Variants in NVL observed in about 807,000 individuals in gnomAD.
The protein encoded by NVL is nuclear valosin-containing protein-like.
In NVL, 84 loss-of-function variants were observed where a neutral mutation model predicts 110.2. The observed-to-expected ratio is 0.76, with a 90% CI of 0.64 to 0.91. The LOEUF (loss-of-function observed/expected upper bound fraction) is 0.91. NVL is among the 40% of genes least tolerant of loss of function. NVL has a pLI of 0.00. For missense variants in NVL, 882 were observed against 1,035.9 expected, an observed-to-expected ratio of 0.85 and a Z score of 2.04; for synonymous variants, 354 against 361.1, an observed-to-expected ratio of 0.98 and a Z score of 0.22.
chr1:224,252,363 C>T (rs1234866692), intron 18 of NVL, among the ~76,000 whole-genome samples: 1 of 152,074 alleles, frequency 6.6e-6, no homozygotes, highest in African/African-American at 2.4e-5. Context: ...CCACAAAGAC[C>T]CCATTTTTAA....
chr1:224,227,449 G>T lies in NVL; in HGVS notation c.*177C>A. 1 of 429,128 alleles carries T rather than the reference G, an allele frequency of 2.3e-6. No individual in the cohort carries two copies. The highest frequency in any genetic ancestry group is 4.2e-6 in the Non-Finnish European group (1 of 237,644). 26.6% of individuals were successfully genotyped at this position (429,128 alleles called of 1,614,324 possible). On this transcript the variant is annotated 3_prime_UTR_variant, in exon 23 of 23. Transcript: ENST00000281701. ...AGAGGAAGAAGGCATTTTCACACAA[G>T]GCTGGCCAGATGGGAAGAATCTTCA...
At chr1:224,273,261 A>G (rs1028197388) in intron 17 of NVL, among the ~76,000 whole-genome samples, 4 of 151,766 alleles carry the variant, frequency 2.6e-5, no homozygotes, top group African/African-American at 9.7e-5. Flanking sequence ...GAAAATACAA[A>G]TATTAGCTGG....
At chr1:224,311,741 GGTACCATAACA>G (rs1669545821) in intron 5 of NVL, 48 bp downstream of exon 5, 1 of 1,290,042 alleles carries the variant, frequency 7.8e-7, no homozygotes, top group Non-Finnish European at 1.1e-6. Flanking sequence ...TTTCAAGGGA[GGTACCATAACA>G]ACTAAAAAAG....
intron 18 of NVL, chr1:224,256,956 A>AACC (rs753665976): frequency 2.2e-6 from 1 of 464,636 alleles, no homozygotes; most frequent in South Asian, 1.6e-5. Flanking sequence ...ACCCGGCTCA[A>AACC]ACCACCACCA....
At chr1:224,306,739 G>A (rs985774213) in intron 6 of NVL, among the ~76,000 whole-genome samples, 3 of 152,048 alleles carry the variant, frequency 2.0e-5, no homozygotes, top group Admixed American at 6.6e-5. Context: ...AGACTGAGGT[G>A]GGGGGATGGC....
At chr1:224,249,515 C>A (rs375262293) in intron 19 of NVL, among the ~76,000 whole-genome samples, 1 of 152,038 alleles carries the variant, frequency 6.6e-6, no homozygotes, top group Admixed American at 6.6e-5. Context: ...GAGGCCGAGG[C>A]GGGTGGATCA....
At chr1:224,250,036 A>C (rs1662284282) in intron 19 of NVL, among the ~76,000 whole-genome samples, 176 bp downstream of exon 19, 1 of 152,204 alleles carries the variant, frequency 6.6e-6, no homozygotes, top group Non-Finnish European at 1.5e-5. Context: ...ATCTGATGTA[A>C]ATTATTTTAA....
Position 224,287,824 on chromosome 1 carries a change from T to C in NVL, c.1745A>G (p.Asp582Gly), listed in dbSNP as rs753800587. The C allele has an allele frequency of 1.9e-6, 3 of 1,614,132 alleles. No homozygotes were observed. In the South Asian group the frequency reaches 3.3e-5, roughly 18 times the overall value. Residue 582 changes from aspartate (D) to glycine (G), a missense_variant, in exon 14 of 23, where the codon GAT (aspartate) becomes GGT (glycine). This residue lies in a region of NVL where 416 missense variants were observed against 499.3 expected (regional missense o/e 0.83). Transcript: ENST00000281701. Reference sequence around the variant, plus strand: ...TCTAATGTCTTCCAGGGCACCAATATCTGCCCATGTCACATTAGGGACAGT... The same window carrying C: ...TCTAATGTCTTCCAGGGCACCAATACCTGCCCATGTCACATTAGGGACAGT... ...FVTVPNVTWA[D>G]IGALEDIREE...
rs751959192 is a variant in NVL at position 224,330,067 on chromosome 1, A to G, written c.57+4T>C. On this transcript the variant is annotated splice_donor_region_variant and intron_variant, in intron 1 of 22. Coordinates refer to ENST00000281701, the MANE Select transcript of NVL (RefSeq NM_002533.4). ...GGCGAGGCCAAGCGGTGCAGAATAC[A>G]CACCTGGATGACTCGCTGCTTGAGT... 12 of 1,614,012 alleles carry G rather than the reference A, an allele frequency of 7.4e-6. No individual in the cohort carries two copies. In the South Asian group the frequency reaches 1.3e-4, roughly 18 times the overall value.
rs940200696 is a variant in NVL, at chr1:224,260,699, C to CTT, written c.2182+7333_2182+7334dup. On this transcript the variant is annotated intron_variant, in intron 18 of 22. Transcript: ENST00000281701. ...ATTTGCTTATTTATTTCTTCTTTTC[C>CTT]TTTTTTTTTTTTTTTTTTTTGAGAC... Among the ~76,000 whole-genome samples the CTT allele has an allele frequency of 2.5e-3, 314 of 126,316 alleles. 6 individuals carry two copies. The highest frequency in any genetic ancestry group is 7.5e-3 in the African/African-American group (234 of 31,110). The allele number at this position is 126,316 out of a possible 152,430, so 82.9% of individuals were successfully genotyped here. A position where few individuals can be genotyped will look rare whatever the true frequency, so the allele number is the denominator to read the frequency against.
At chr1:224,256,590 A>G (rs575970763) in intron 18 of NVL, among the ~76,000 whole-genome samples, 1 of 152,250 alleles carries the variant, frequency 6.6e-6, no homozygotes, top group East Asian at 1.9e-4. Context: ...TATCACACTT[A>G]ATATTATGCA....
chr1:224,256,802 G>A (rs1186510246), intron 18 of NVL, among the ~76,000 whole-genome samples: 1 of 152,076 alleles, frequency 6.6e-6, no homozygotes, highest in African/African-American at 2.4e-5. Flanking sequence ...CTTAGTTAAT[G>A]TGAACTCATT....
chr1:224,309,724 C>CA (rs1669321017), intron 5 of NVL, among the ~76,000 whole-genome samples: 1 of 151,950 alleles, frequency 6.6e-6, no homozygotes, highest in Admixed American at 6.6e-5. Flanking sequence ...AAAAATAATA[C>CA]AAATTTTAAG....
chr1:224,328,173 C>A lies in NVL; in HGVS notation c.58-1709G>T, dbSNP rs185069261. On this transcript the variant is annotated intron_variant, in intron 1 of 22. Transcript: ENST00000281701. ...TGCCATGGTGGTTTCCTGCACCCAT[C>A]AACCCGTCATCTACATTAGGTATTT... Among the ~76,000 whole-genome samples the A allele has an allele frequency of 3.5e-3, 533 of 152,192 alleles. 3 individuals are homozygous for A. Among genetic ancestry groups the A allele is most frequent in the African/African-American group, 0.012 (498 of 41,514 alleles).
rs1558230180 is a variant in NVL, at chr1:224,233,160, G to GT, written c.2455+40dup. 6 of 1,536,992 alleles carry GT rather than the reference G, an allele frequency of 3.9e-6. No individual in the cohort carries two copies. In the South Asian group the frequency reaches 5.8e-5, roughly 15 times the overall value. ...TTTTCCAGGGCAACAGTGGTTTTAA[G>GT]TATCATAATTAGAATTGAGAGATTC... On this transcript the variant is annotated intron_variant, in intron 21 of 22. Coordinates refer to ENST00000281701, the MANE Select transcript of NVL (RefSeq NM_002533.4).
At chr1:224,289,950 A>C (rs16846094) in intron 12 of NVL, among the ~76,000 whole-genome samples, 11,549 of 152,272 alleles carry the variant, frequency 0.076, 594 homozygotes, top group African/African-American at 0.14. Context: ...TTGTTAGGAA[A>C]CATGCTAAGT....
intron 2 of NVL, among the ~76,000 whole-genome samples, chr1:224,323,127 G>C (rs1025147117): frequency 1.3e-5 from 2 of 152,164 alleles, no homozygotes; most frequent in East Asian, 3.8e-4. Flanking sequence ...CAGGATATTG[G>C]AAATTGGAAG....
intron 18 of NVL, among the ~76,000 whole-genome samples, chr1:224,264,834 G>A (rs1664334072): frequency 1.3e-5 from 2 of 152,048 alleles, no homozygotes; most frequent in African/African-American, 4.8e-5. Context: ...TCCGCTTCCC[G>A]GGTTCAAGTG....
chr1:224,230,387 G>A (rs969790024), intron 22 of NVL, among the ~76,000 whole-genome samples: 6 of 152,110 alleles, frequency 3.9e-5, no homozygotes, highest in East Asian at 1.9e-4. Flanking sequence ...GGTGGATCAC[G>A]AGGTCAAGAG....
Sources: gnomAD v4.1 joint callset for allele counts (sites outside exome capture counted in the v4.1 genomes callset) on GRCh38, gnomAD v4.1.1 for gene constraint, gnomAD v4.1.1 regional missense constraint, MANE v1.5 for transcripts, NCBI Gene and HGNC (gene_info 2026-07-23, HGNC 2026-07-21) for gene names.